The following ACTR3B variants were observed in gnomAD, a reference collection of about 807,000 sequenced individuals.
The protein encoded by ACTR3B is actin-related protein 3B.
In ACTR3B, 8 loss-of-function variants were observed where a neutral mutation model predicts 59.0. The ratio of observed to expected loss-of-function variants is 0.14; its 90% CI spans 0.08 to 0.24. ACTR3B has a LOEUF of 0.24. Among genes scored for constraint, ACTR3B ranks in the 10% least tolerant of loss-of-function variants. The pLI, the probability that ACTR3B is intolerant of heterozygous loss-of-function variation, is 1.00. For missense variants in ACTR3B, 245 were observed against 552.3 expected, an observed-to-expected ratio of 0.44 and a Z score of 5.58; for synonymous variants, 148 against 197.9, an observed-to-expected ratio of 0.75 and a Z score of 2.12.
chr7:152,773,247 T>G (rs2098128518), intron 1 of ACTR3B, among the ~76,000 whole-genome samples: 1 of 151,206 alleles, frequency 6.6e-6, no homozygotes, highest in South Asian at 2.1e-4. Context: ...TAGTTACATA[T>G]AAGTCATTCA....
At chr7:152,780,790 A>G (rs1590227567) in intron 1 of ACTR3B, among the ~76,000 whole-genome samples, 2 of 151,698 alleles carry the variant, frequency 1.3e-5, no homozygotes, top group South Asian at 2.1e-4. Context: ...AATGAATGCT[A>G]TCACTTGGGA....
At chr7:152,791,608 A>G (rs902154157) in intron 2 of ACTR3B, among the ~76,000 whole-genome samples, 9 of 152,198 alleles carry the variant, frequency 5.9e-5, no homozygotes, top group African/African-American at 1.9e-4. Flanking sequence ...TGTTGGTACA[A>G]TGTGTGTGTA....
At chr7:152,842,741 A>G (rs1444147834) in intron 9 of ACTR3B, among the ~76,000 whole-genome samples, 3 of 152,180 alleles carry the variant, frequency 2.0e-5, no homozygotes, top group Non-Finnish European at 4.4e-5. Flanking sequence ...TGCTATGAAC[A>G]TTGGAAATGT....
At chr7:152,842,631 T>C (rs918847305) in intron 9 of ACTR3B, among the ~76,000 whole-genome samples, 1 of 152,192 alleles carries the variant, frequency 6.6e-6, no homozygotes, top group African/African-American at 2.4e-5. Flanking sequence ...GACCCTTCTT[T>C]CTGCTGGGAG....
Position 152,825,138 on chromosome 7 carries a change from G to A in ACTR3B, c.951+16G>A, listed in dbSNP as rs1366503178. The A allele has an allele frequency of 1.4e-5, 23 of 1,607,794 alleles. No homozygotes were observed. Among genetic ancestry groups the A allele is most frequent in the Non-Finnish European group, 2.0e-5 (23 of 1,177,900 alleles). Reference sequence around the variant, plus strand: ...GCTGTATAAGGTATGAGCTGCCTGGGTAAGGTACTTTGATTTCATTCCACA... The same window carrying A: ...GCTGTATAAGGTATGAGCTGCCTGGATAAGGTACTTTGATTTCATTCCACA... On this transcript the variant is annotated intron_variant, in intron 9 of 11. Transcript: ENST00000256001.
At chr7:152,826,361 T>G (rs1245455730) in intron 9 of ACTR3B, among the ~76,000 whole-genome samples, 3 of 145,670 alleles carry the variant, frequency 2.1e-5, no homozygotes, top group Non-Finnish European at 4.4e-5. Context: ...GATGGATAAC[T>G]TTTACTTTCT....
intron 5 of ACTR3B, among the ~76,000 whole-genome samples, 169 bp from the exon 6 acceptor site, chr7:152,816,312 C>T (rs1465857113): frequency 1.3e-5 from 2 of 151,668 alleles, no homozygotes; most frequent in Non-Finnish European, 2.9e-5. Flanking sequence ...GTTAGTTGTC[C>T]AAGTTTGAAT....
chr7:152,766,535 C>G (rs1284991275), intron 1 of ACTR3B, among the ~76,000 whole-genome samples: 1 of 152,188 alleles, frequency 6.6e-6, no homozygotes, highest in Non-Finnish European at 1.5e-5. Context: ...GGCCATTCCT[C>G]CAAGCAGGAC....
chr7:152,788,538 G>A (rs1363175583), intron 2 of ACTR3B, among the ~76,000 whole-genome samples: 2 of 148,704 alleles, frequency 1.3e-5, no homozygotes, highest in Admixed American at 6.8e-5. Context: ...TCAGCCTCCC[G>A]AGTAGTTGGG....
chr7:152,789,072 A>G (rs1449725750), intron 2 of ACTR3B, among the ~76,000 whole-genome samples: 3 of 151,800 alleles, frequency 2.0e-5, no homozygotes. Flanking sequence ...ACAAACAACA[A>G]CAACAACAAC....
At chr7:152,772,807 C>T (rs1256615815) in intron 1 of ACTR3B, among the ~76,000 whole-genome samples, 1 of 149,696 alleles carries the variant, frequency 6.7e-6, no homozygotes, top group African/African-American at 2.5e-5. Context: ...AAGGCAAAAA[C>T]AATTGAATAA....
At chr7:152,762,637 T>G (rs1377674054) in intron 1 of ACTR3B, among the ~76,000 whole-genome samples, 20 of 152,230 alleles carry the variant, frequency 1.3e-4, no homozygotes, top group Non-Finnish European at 2.4e-4. Flanking sequence ...CATACAGTAG[T>G]ATCCTATATA....
intron 2 of ACTR3B, among the ~76,000 whole-genome samples, chr7:152,788,987 A>G (rs1290696349): frequency 6.6e-6 from 1 of 152,138 alleles, no homozygotes; most frequent in Non-Finnish European, 1.5e-5. Flanking sequence ...GCGTCACCGC[A>G]CTCCAGCCTG....
At chr7:152,835,509 A>T (rs1266688815) in intron 9 of ACTR3B, among the ~76,000 whole-genome samples, 1 of 152,212 alleles carries the variant, frequency 6.6e-6, no homozygotes, top group Non-Finnish European at 1.5e-5. Flanking sequence ...ACCAGTGTAC[A>T]TACCTTCATT....
chr7:152,828,441 C>T (rs1386594743), intron 9 of ACTR3B, among the ~76,000 whole-genome samples: 2 of 152,166 alleles, frequency 1.3e-5, no homozygotes, highest in East Asian at 1.9e-4. Flanking sequence ...GAGGTTCGCT[C>T]CTGCTCGGTG....
In ACTR3B at chr7:152,852,263, AGGCCTCCACGCAGTGCCTGG is replaced by A. The variant is rs369887594; in HGVS notation, c.1077+16_1077+35del. ...GCGGGAGGATCAAGGTAGGAGCCAG[AGGCCTCCACGCAGTGCCTGG>A]GGCTATTGCCCCAGGCCTGACCGGG... On this transcript the variant is annotated intron_variant, in intron 10 of 11. Coordinates refer to ENST00000256001, the MANE Select transcript of ACTR3B (RefSeq NM_020445.6). The A allele has an allele frequency of 1.1e-5, 18 of 1,602,500 alleles. No homozygotes were observed. Among genetic ancestry groups the A allele is most frequent in the Middle Eastern group, 1.8e-4 (1 of 5,702 alleles).
intron 1 of ACTR3B, among the ~76,000 whole-genome samples, chr7:152,777,955 A>C: frequency 6.6e-6 from 1 of 152,188 alleles, no homozygotes; most frequent in African/African-American, 2.4e-5. Flanking sequence ...GTCTCAAAAA[A>C]AAAAAAAAGA....
intron 9 of ACTR3B, among the ~76,000 whole-genome samples, chr7:152,851,352 G>A (rs1363003856): frequency 6.6e-6 from 1 of 152,196 alleles, no homozygotes; most frequent in Non-Finnish European, 1.5e-5. Flanking sequence ...AGGGCGAGAG[G>A]TGAGTGACGT....
chr7:152,854,554 T>C lies in ACTR3B; in HGVS notation c.*1T>C. The C allele has an allele frequency of 4.3e-6, 7 of 1,613,914 alleles. No homozygotes were observed. Among genetic ancestry groups the C allele is most frequent in the Non-Finnish European group, 5.9e-6 (7 of 1,179,878 alleles). ...CCCCGTCTTTGGAGTCATGTCCTAG[T>C]GTCTGCCTGAACGCGTCGTTCGATG... is the stretch of plus-strand genomic sequence containing the variant. On this transcript the variant is annotated 3_prime_UTR_variant, in exon 12 of 12. Transcript: ENST00000256001. This position sits in a 1 kb window ranked among gnomAD's most constrained non-coding sequence, Gnocchi z 4.9.
Sources: allele counts gnomAD v4.1 joint callset (sites outside exome capture counted in the v4.1 genomes callset), GRCh38; gene constraint gnomAD v4.1.1; non-coding constraint Gnocchi (gnomAD v3.1); transcripts MANE v1.5; gene names NCBI Gene and HGNC (gene_info 2026-07-23, HGNC 2026-07-21).